The following ENTREP2 variants were observed in gnomAD, a reference collection of about 807,000 sequenced individuals.
ENTREP2 encodes the protein endosomal transmembrane epsin interactor 2, also known as protein ENTREP2.
chr15:29,280,130 A>G, the ENTREP2 span, among the ~76,000 whole-genome samples: 4 of 152,212 alleles, frequency 2.6e-5, no homozygotes, highest in African/African-American at 7.2e-5. Flanking sequence ...TTAAAAACAA[A>G]TATTTCAATC....
At chr15:29,438,438 G>A in the ENTREP2 span, among the ~76,000 whole-genome samples, 1 of 152,174 alleles carries the variant, frequency 6.6e-6, no homozygotes, top group Non-Finnish European at 1.5e-5. Context: ...GAAATATATT[G>A]TAAAAGTGTC....
the ENTREP2 span, chr15:29,252,347 G>T: frequency 1.2e-4 from 168 of 1,413,730 alleles, no homozygotes; most frequent in African/African-American, 2.2e-3. Flanking sequence ...TTTATGAAAG[G>T]GTTTGCATTT....
the ENTREP2 span, among the ~76,000 whole-genome samples, chr15:29,315,770 A>G: frequency 6.6e-6 from 1 of 152,358 alleles, no homozygotes; most frequent in Non-Finnish European, 1.5e-5. Context: ...AATAAAAAAG[A>G]CAAATGAAAG....
the ENTREP2 span, among the ~76,000 whole-genome samples, chr15:29,371,849 C>A: frequency 6.6e-6 from 1 of 151,638 alleles, no homozygotes; most frequent in Admixed American, 6.6e-5. Flanking sequence ...CCCATAGGAT[C>A]AATTTAGAAG....
the ENTREP2 span, among the ~76,000 whole-genome samples, chr15:29,137,616 C>T: frequency 2.0e-5 from 3 of 152,100 alleles, no homozygotes; most frequent in African/African-American, 7.2e-5. Context: ...GGGTGGATCA[C>T]CTGTGATCAG....
the ENTREP2 span, among the ~76,000 whole-genome samples, chr15:29,539,121 G>A: frequency 6.6e-6 from 1 of 152,142 alleles, no homozygotes; most frequent in Non-Finnish European, 1.5e-5. Flanking sequence ...GGGGCCGGGT[G>A]GAAACGCTGC....
At chr15:29,401,987 G>A in the ENTREP2 span, among the ~76,000 whole-genome samples, 1 of 152,116 alleles carries the variant, frequency 6.6e-6, no homozygotes, top group African/African-American at 2.4e-5. Flanking sequence ...TCGGAAACTA[G>A]ATTAAGGAGG....
At chr15:29,137,480 G>A in the ENTREP2 span, among the ~76,000 whole-genome samples, 1 of 152,070 alleles carries the variant, frequency 6.6e-6, no homozygotes, top group Non-Finnish European at 1.5e-5. Flanking sequence ...ACTCCAACTG[G>A]CCCCTCTGAT....
the ENTREP2 span, among the ~76,000 whole-genome samples, chr15:29,556,187 G>A: frequency 6.6e-6 from 1 of 152,166 alleles, no homozygotes; most frequent in Non-Finnish European, 1.5e-5. Flanking sequence ...AGCCCATGAG[G>A]TTGAGGCTGC....
chr15:29,654,908 G>A, the ENTREP2 span, among the ~76,000 whole-genome samples: 1 of 152,158 alleles, frequency 6.6e-6, no homozygotes, highest in Non-Finnish European at 1.5e-5. Context: ...GTGGGATAAT[G>A]CATACAGTTG....
the ENTREP2 span, among the ~76,000 whole-genome samples, chr15:29,513,268 G>A: frequency 2.2e-4 from 34 of 152,156 alleles, no homozygotes; most frequent in Non-Finnish European, 4.0e-4. Flanking sequence ...AAAGCTAGTC[G>A]GTACACCCGG....
At chr15:29,183,843 G>A in the ENTREP2 span, among the ~76,000 whole-genome samples, 1 of 152,162 alleles carries the variant, frequency 6.6e-6, no homozygotes, top group Non-Finnish European at 1.5e-5. Context: ...AGGGGACTCA[G>A]ATGGGTCTGC....
chr15:29,660,108 A>C, the ENTREP2 span, among the ~76,000 whole-genome samples: 1 of 152,138 alleles, frequency 6.6e-6, no homozygotes, highest in African/African-American at 2.4e-5. Flanking sequence ...AGCCACCACT[A>C]TGTTTATGTA....
the ENTREP2 span, among the ~76,000 whole-genome samples, chr15:29,192,915 C>T: frequency 2.6e-4 from 40 of 151,828 alleles, 1 homozygote; most frequent in Admixed American, 1.7e-3. Flanking sequence ...AACAGCCATT[C>T]GTGGTATTAA....
chr15:29,345,693 C>T, the ENTREP2 span, among the ~76,000 whole-genome samples: 10 of 151,766 alleles, frequency 6.6e-5, no homozygotes, highest in Non-Finnish European at 1.0e-4. Context: ...TGCCCCACAT[C>T]CCCCCCAGCT....
the ENTREP2 span, chr15:29,126,148 G>T: frequency 1.2e-6 from 1 of 832,802 alleles, no homozygotes; most frequent in Non-Finnish European, 1.8e-6. Flanking sequence ...CACATTCCCA[G>T]TGTGGCCCCA....
At chr15:29,262,031 TC>T in the ENTREP2 span, among the ~76,000 whole-genome samples, 1 of 149,478 alleles carries the variant, frequency 6.7e-6, no homozygotes, top group Non-Finnish European at 1.5e-5. Context: ...AACAAAAGTT[TC>T]TTGAAAATAC....
chr15:29,219,269 C>T, the ENTREP2 span, among the ~76,000 whole-genome samples: 11 of 152,192 alleles, frequency 7.2e-5, no homozygotes, highest in African/African-American at 2.6e-4. Context: ...GCAATACCAT[C>T]TTACTCCTGC....
At chr15:29,172,165 AG>A in the ENTREP2 span, among the ~76,000 whole-genome samples, 4 of 152,216 alleles carry the variant, frequency 2.6e-5, no homozygotes, top group Non-Finnish European at 5.9e-5. Flanking sequence ...AGAATCCATT[AG>A]TGGGCCCTCC....
Sources: allele counts gnomAD v4.1 joint callset (sites outside exome capture counted in the v4.1 genomes callset), GRCh38; gene constraint gnomAD v4.1.1; transcripts MANE v1.5; gene names NCBI Gene and HGNC (gene_info 2026-07-23, HGNC 2026-07-21).